Variants in ERBB4 observed in about 807,000 individuals in gnomAD.
The protein encoded by ERBB4 is erb-b2 receptor tyrosine kinase 4.
In ERBB4, 42 loss-of-function variants were observed where a neutral mutation model predicts 158.0. The observed-to-expected ratio is 0.27, with a 90% CI of 0.21 to 0.34. The LOEUF (loss-of-function observed/expected upper bound fraction) is 0.34, where lower values mean the gene tolerates loss of function less well. Among genes scored for constraint, ERBB4 ranks in the 10% least tolerant of loss-of-function variants. The pLI, the probability that ERBB4 is intolerant of heterozygous loss-of-function variation, is 1.00. For missense variants in ERBB4, 1,333 were observed against 1,624.1 expected, an observed-to-expected ratio of 0.82 and a Z score of 3.08; for synonymous variants, 583 against 558.7, an observed-to-expected ratio of 1.04 and a Z score of -0.61.
chr2:212,260,978 C>G (rs566126337), intron 1 of ERBB4, among the ~76,000 whole-genome samples: 1 of 152,138 alleles, frequency 6.6e-6, no homozygotes, highest in East Asian at 1.9e-4. Context: ...GTATTACAGG[C>G]ATAAGTAATA....
At chr2:212,332,409 T>C (rs900181414) in intron 1 of ERBB4, among the ~76,000 whole-genome samples, 5 of 152,062 alleles carry the variant, frequency 3.3e-5, no homozygotes, top group Admixed American at 3.3e-4. Flanking sequence ...AGCAGCAGCA[T>C]GAAAACAGAC....
At position 212,067,992 on chromosome 2, in the gene ERBB4, A is replaced by T. The variant is rs375233288; in HGVS notation, c.234+56760T>A. On this transcript the variant is annotated intron_variant, in intron 2 of 27. Transcript: ENST00000342788. ...CTTAGATGCAAAAACGAATGAACAGACTACTTAGTTAAAATGGATAGACTT... is the reference window on the plus strand; with the variant it reads ...CTTAGATGCAAAAACGAATGAACAGTCTACTTAGTTAAAATGGATAGACTT... 8.5e-5 allele frequency among the ~76,000 whole-genome samples: 13 copies of T among 152,146 alleles called. No homozygotes were observed. The East Asian group carries it at 2.3e-3, about 27-fold the overall frequency.
At chr2:211,709,274 T>TATATACACATATATATATATATATAC (rs1553615210) in intron 9 of ERBB4, among the ~76,000 whole-genome samples, 4 of 136,558 alleles carry the variant, frequency 2.9e-5, no homozygotes, top group African/African-American at 1.1e-4. Context: ...TATATATATA[T>TATATACACATATATATATATATATAC]ACATACATAT....
intron 25 of ERBB4, among the ~76,000 whole-genome samples, chr2:211,389,801 AG>A (rs1292792079): frequency 6.6e-6 from 1 of 152,210 alleles, no homozygotes; most frequent in Non-Finnish European, 1.5e-5. Flanking sequence ...ATAAATATGA[AG>A]TAAGATAATG....
At position 211,631,733 on chromosome 2, in the gene ERBB4, T is replaced by G. The variant is rs558552602; in HGVS notation, c.1947-1139A>C. On this transcript the variant is annotated intron_variant, in intron 16 of 27. Transcript: ENST00000342788. ...TTTTGTATACCATAGGAAATAATCT[T>G]GAGTGAAACACACAGGTGTTACCTA... is the stretch of plus-strand genomic sequence containing the variant. 1.2e-4 allele frequency among the ~76,000 whole-genome samples: 19 copies of G among 152,224 alleles called. No individual in the cohort carries two copies. The South Asian group carries it at 3.7e-3, about 30-fold the overall frequency.
At chr2:212,250,048 C>T (rs769903906) in intron 1 of ERBB4, among the ~76,000 whole-genome samples, 1 of 151,946 alleles carries the variant, frequency 6.6e-6, no homozygotes, top group Admixed American at 6.6e-5. Context: ...ATCATTGAAC[C>T]TAAATCTAAC....
chr2:212,500,070 A>G (rs1690802129), intron 1 of ERBB4, among the ~76,000 whole-genome samples: 1 of 152,080 alleles, frequency 6.6e-6, no homozygotes, highest in African/African-American at 2.4e-5. Flanking sequence ...TTTTTTTCTC[A>G]TAGAAACGAT....
At chr2:211,699,213 G>A (rs1243189908) in intron 12 of ERBB4, among the ~76,000 whole-genome samples, 1 of 152,126 alleles carries the variant, frequency 6.6e-6, no homozygotes, top group Non-Finnish European at 1.5e-5. Context: ...ATGTTTTCTA[G>A]GTGTGTATAT....
At chr2:212,450,821 G>GAAAAAA (rs57931477) in intron 1 of ERBB4, among the ~76,000 whole-genome samples, 14 of 92,848 alleles carry the variant, frequency 1.5e-4, no homozygotes, top group African/African-American at 4.2e-4. Flanking sequence ...TTTCAGCCGA[G>GAAAAAA]AAAAAAAAAA....
Position 211,383,625 on chromosome 2 carries a change from G to A in ERBB4, c.3917C>T (p.Thr1306Ile), listed in dbSNP as rs1354184668. 1 of 1,612,684 alleles carries A rather than the reference G, an allele frequency of 6.2e-7. No homozygotes were observed. The highest frequency in any genetic ancestry group is 8.5e-7 in the Non-Finnish European group (1 of 1,179,576). ...AAACCACAACTGAGCTTACACCACAGTATTCCGGTGTCTGTAAGGTGGAGG... is the reference window on the plus strand; with the variant it reads ...AAACCACAACTGAGCTTACACCACAATATTCCGGTGTCTGTAAGGTGGAGG... ...LPPPPYRHRNTVV is the reference protein window; with the variant it reads ...LPPPPYRHRNIVV The change falls in exon 28 of 28, where the codon ACT becomes ATT. Residue 1306 changes from threonine to isoleucine, a missense_variant. Physicochemically the swap from Thr to Ile is moderately conservative, Grantham distance 89. Around this residue, in one of 5 missense-constraint regions of ERBB4, gnomAD observed 84 missense variants for 110.8 expected, o/e 0.76. Coordinates refer to ENST00000342788, the MANE Select transcript of ERBB4 (RefSeq NM_005235.3).
intron 1 of ERBB4, among the ~76,000 whole-genome samples, chr2:212,373,777 G>GTA (rs1553627570): frequency 5.8e-5 from 4 of 69,188 alleles, no homozygotes; most frequent in African/African-American, 2.3e-4. Flanking sequence ...ATATATCCAT[G>GTA]TATATATCCA....
chr2:212,455,659 TAAAG>T (rs908970719), intron 1 of ERBB4, among the ~76,000 whole-genome samples: 1 of 152,032 alleles, frequency 6.6e-6, no homozygotes, highest in African/African-American at 2.4e-5. Context: ...CTTACTAAAG[TAAAG>T]AAAGAAAATT....
chr2:211,671,631 C>T (rs1416631478), intron 14 of ERBB4, among the ~76,000 whole-genome samples: 2 of 152,080 alleles, frequency 1.3e-5, no homozygotes, highest in African/African-American at 2.4e-5. Context: ...TGATGATTCC[C>T]AGCCTATTCA....
chr2:211,676,636 T>C (rs1006848255), intron 13 of ERBB4, among the ~76,000 whole-genome samples: 7 of 152,174 alleles, frequency 4.6e-5, no homozygotes, highest in African/African-American at 7.2e-5. Flanking sequence ...TTGAGTCCTA[T>C]ATAGTGTTGC....
rs1574487338 is a variant in ERBB4 at position 212,234,226 on chromosome 2, T to G, written c.83-109323A>C. Among the ~76,000 whole-genome samples the G allele has an allele frequency of 2.0e-5, 3 of 152,070 alleles. No homozygotes were observed. In the East Asian group the frequency reaches 5.8e-4, roughly 30 times the overall value. ...CAATTCCCAATTATGAGTGAGAACA[T>G]GCAGTGTTGGGTTTTCTGTTCCTGT... On this transcript the variant is annotated intron_variant, in intron 1 of 27. Transcript: ENST00000342788.
At chr2:212,335,150 C>T (rs1008123018) in intron 1 of ERBB4, among the ~76,000 whole-genome samples, 1 of 151,694 alleles carries the variant, frequency 6.6e-6, no homozygotes, top group African/African-American at 2.4e-5. Flanking sequence ...TTTAATGTTT[C>T]AATTAGTACT....
intron 1 of ERBB4, among the ~76,000 whole-genome samples, chr2:212,132,365 A>G (rs1198443753): frequency 2.0e-5 from 3 of 152,178 alleles, no homozygotes; most frequent in Non-Finnish European, 4.4e-5. Context: ...CAGCATGCCC[A>G]GAATGCTGGC....
At chr2:212,080,664 T>C (rs1238970437) in intron 2 of ERBB4, among the ~76,000 whole-genome samples, 1 of 125,838 alleles carries the variant, frequency 7.9e-6, no homozygotes, top group African/African-American at 3.1e-5. Flanking sequence ...TCTCATTTTA[T>C]GGTATAAATA....
At chr2:211,739,040 A>T (rs564428814) in intron 5 of ERBB4, among the ~76,000 whole-genome samples, 28 of 152,082 alleles carry the variant, frequency 1.8e-4, no homozygotes, top group Non-Finnish European at 3.2e-4. Flanking sequence ...TTTTCCTAGT[A>T]CTTCCAGTTA....
Sources: gnomAD v4.1 joint callset for allele counts (sites outside exome capture counted in the v4.1 genomes callset) on GRCh38, gnomAD v4.1.1 for gene constraint, gnomAD v4.1.1 regional missense constraint, MANE v1.5 for transcripts, NCBI Gene and HGNC (gene_info 2026-07-23, HGNC 2026-07-21) for gene names.